CHKA: variants seen among roughly 807,000 people sequenced by gnomAD.
CHKA encodes the protein CHETK-alpha.
Under a neutral mutation model 60.1 loss-of-function variants are expected in CHKA, and 34 were observed. The observed-to-expected ratio is 0.57, with a 90% CI of 0.43 to 0.75. The LOEUF (loss-of-function observed/expected upper bound fraction) is 0.75, where lower values mean the gene tolerates loss of function less well. Among genes scored for constraint, CHKA ranks in the 30% least tolerant of loss-of-function variants. The pLI is 0.00. For synonymous variants in CHKA, 217 were observed against 223.1 expected, an observed-to-expected ratio of 0.97 and a Z score of 0.24; for missense variants, 563 against 561.3, an observed-to-expected ratio of 1.00 and a Z score of -0.03.
At chr11:68,065,689 A>G in intron 9 of CHKA, 97 bp downstream of exon 9, 1 of 838,546 alleles carries the variant, frequency 1.2e-6, no homozygotes, top group Non-Finnish European at 2.0e-6. Context: ...AAACAGAGTG[A>G]GACCCTGCCT....
Position 68,120,948 on chromosome 11 carries a change from G to T in CHKA, c.230C>A (p.Pro77Gln). ...GGGCTCCGGCTGCTCGTCTGCGGGC[G>T]GCTGCGGCGGCGGGGGCTGGGGCAG... The part of the protein sequence containing the change: ...LPLPQPPPPQ[P>Q]PADEQPEPRT... Residue 77 changes from proline to glutamine, a missense_variant, in exon 1 of 12, where the codon CCG becomes CAG. Transcript: ENST00000265689. The T allele has an allele frequency of 8.5e-7, 1 of 1,175,866 alleles. No individual in the cohort carries two copies. The allele number at this position is 1,175,866 out of a possible 1,614,324, so 72.8% of individuals were successfully genotyped here.
At position 68,095,387 on chromosome 11, in the gene CHKA, A is replaced by T. The variant is rs535737796; in HGVS notation, c.462+1632T>A. Among the ~76,000 whole-genome samples, 4 of 122,746 alleles carry T rather than the reference A, an allele frequency of 3.3e-5. No homozygotes were observed. The South Asian group carries it at 9.0e-4, about 27-fold the overall frequency. The allele number at this position is 122,746 out of a possible 152,430, so 80.5% of individuals were successfully genotyped here. A position where few individuals can be genotyped will look rare whatever the true frequency, so the allele number is the denominator to read the frequency against. ...CACTGCACTCCAGCCTGGGCAACAG[A>T]GCAAGACTCCATCTCAAAAAAAAAA... On this transcript the variant is annotated intron_variant, in intron 2 of 11. Coordinates refer to ENST00000265689, the MANE Select transcript of CHKA (RefSeq NM_001277.3).
intron 11 of CHKA, among the ~76,000 whole-genome samples, chr11:68,057,734 TCA>T (rs1214776771): frequency 1.3e-5 from 2 of 152,234 alleles, no homozygotes; most frequent in African/African-American, 2.4e-5. Flanking sequence ...AGAATCAGGT[TCA>T]GTTTTTTCTC....
intron 1 of CHKA, among the ~76,000 whole-genome samples, chr11:68,108,155 T>C (rs78963205): frequency 0.045 from 6,770 of 152,132 alleles, 176 homozygotes; most frequent in African/African-American, 0.068. Flanking sequence ...ATTATTATTA[T>C]CTAAATTCTA....
At chr11:68,054,542 G>A (rs865982112) in intron 11 of CHKA, among the ~76,000 whole-genome samples, 4 of 152,150 alleles carry the variant, frequency 2.6e-5, no homozygotes, top group African/African-American at 9.7e-5. Context: ...GAGAAAACCC[G>A]GCTTGGTGTT....
intron 11 of CHKA, chr11:68,061,679 C>A: frequency 1.9e-6 from 1 of 522,356 alleles, no homozygotes; most frequent in Non-Finnish European, 3.7e-6. Context: ...GGATTGCAGG[C>A]ACTTCTCTGA....
intron 9 of CHKA, 31 bp from the exon 10 acceptor site, chr11:68,064,662 T>G: frequency 7.6e-7 from 1 of 1,314,818 alleles, no homozygotes; most frequent in Non-Finnish European, 1.1e-6. Context: ...TTAGGATCAA[T>G]GATGGTTAAA....
chr11:68,056,429 C>T (rs1856018645), intron 11 of CHKA, among the ~76,000 whole-genome samples: 1 of 152,220 alleles, frequency 6.6e-6, no homozygotes, highest in Non-Finnish European at 1.5e-5. Context: ...GAATGCTGTA[C>T]AGAGAAGCCC....
chr11:68,059,813 C>A (rs966125628), intron 11 of CHKA, among the ~76,000 whole-genome samples: 6 of 152,114 alleles, frequency 3.9e-5, no homozygotes, highest in African/African-American at 1.4e-4. Flanking sequence ...TATGGTCTAT[C>A]TTGAGGAATA....
intron 4 of CHKA, among the ~76,000 whole-genome samples, chr11:68,073,635 G>C (rs1468013709): frequency 1.3e-5 from 2 of 152,156 alleles, no homozygotes; most frequent in Non-Finnish European, 2.9e-5. Flanking sequence ...AACTAGAAGA[G>C]GATACCTCTT....
At chr11:68,111,048 A>C (rs1858114971) in intron 1 of CHKA, among the ~76,000 whole-genome samples, 1 of 151,712 alleles carries the variant, frequency 6.6e-6, no homozygotes, top group Admixed American at 6.6e-5. Flanking sequence ...AGAGGCAAAA[A>C]ACCTAGAATA....
intron 1 of CHKA, 43 bp from the exon 2 acceptor site, chr11:68,097,173 A>T: frequency 6.9e-7 from 1 of 1,455,826 alleles, no homozygotes; most frequent in Non-Finnish European, 9.6e-7. Flanking sequence ...ATTGCAGGTG[A>T]GCTAAATCAC....
rs1856451176 is a variant in CHKA at position 68,066,530 on chromosome 11, G to C, written c.929-14C>G. 1 of 1,601,512 alleles carries C rather than the reference G, an allele frequency of 6.2e-7. No individual in the cohort carries two copies. Among genetic ancestry groups the C allele is most frequent in the African/African-American group, 1.3e-5 (1 of 74,774 alleles). On this transcript the variant is annotated splice_polypyrimidine_tract_variant and intron_variant, in intron 7 of 11. Coordinates refer to ENST00000265689, the MANE Select transcript of CHKA (RefSeq NM_001277.3). ...ACAAGATATTACCTGCAAAAGGTTT[G>C]GATAACATGGTTTATGTTTTACAAT...
chr11:68,098,389 A>G (rs1194679274), intron 1 of CHKA, among the ~76,000 whole-genome samples: 1 of 152,144 alleles, frequency 6.6e-6, no homozygotes, highest in Non-Finnish European at 1.5e-5. Flanking sequence ...TATGACACAA[A>G]CATCTCCATG....
rs760386445 is a variant in CHKA, at chr11:68,064,570, T to C, written c.1187A>G (p.Glu396Gly). Residue 396 changes from glutamate (E) to glycine (G), a missense_variant, in exon 10 of 12, where the codon GAA becomes GGA. Glu to Gly is a moderately conservative substitution (Grantham distance 98). Transcript: ENST00000265689. ...TTCTTCTTTTATAATGGATTTTTCT[T>C]CAGTACTGAGGTTTTCAAAGTCATT... is the stretch of plus-strand genomic sequence containing the variant. ...FQNDFENLST[E>G]EKSIIKEEML... 6.3e-7 allele frequency: 1 copy of C among 1,589,070 alleles called. No homozygotes were observed. The highest frequency in any genetic ancestry group is 1.2e-5 in the South Asian group (1 of 84,554).
chr11:68,087,419 T>C (rs1590861184), intron 2 of CHKA, among the ~76,000 whole-genome samples: 1 of 152,006 alleles, frequency 6.6e-6, no homozygotes, highest in Admixed American at 6.6e-5. Context: ...GAGGCAGAGA[T>C]TGTAGTGAGC....
At chr11:68,075,527 T>C (rs1856758992) in intron 3 of CHKA, among the ~76,000 whole-genome samples, 1 of 152,182 alleles carries the variant, frequency 6.6e-6, no homozygotes, top group Non-Finnish European at 1.5e-5. Context: ...TGCTTTGATC[T>C]CAAAGCAAAT....
At chr11:68,080,105 G>A (rs575016080) in intron 3 of CHKA, among the ~76,000 whole-genome samples, 1 of 152,302 alleles carries the variant, frequency 6.6e-6, no homozygotes, top group African/African-American at 2.4e-5. Context: ...ACCATTTTCA[G>A]CTAACAGGAT....
chr11:68,112,325 A>T (rs1373316861), intron 1 of CHKA, among the ~76,000 whole-genome samples: 1 of 151,956 alleles, frequency 6.6e-6, no homozygotes, highest in Non-Finnish European at 1.5e-5. Flanking sequence ...GCCGCAATCC[A>T]GGCTCACTGC....
Sources: gnomAD v4.1 joint callset for allele counts (sites outside exome capture counted in the v4.1 genomes callset) on GRCh38, gnomAD v4.1.1 for gene constraint, MANE v1.5 for transcripts, NCBI Gene and HGNC (gene_info 2026-07-23, HGNC 2026-07-21) for gene names.